Variants in ZMAT4 observed in about 807,000 individuals in gnomAD.
ZMAT4 encodes zinc finger matrin-type protein 4.
Under a neutral mutation model 28.7 loss-of-function variants are expected in ZMAT4, and 17 were observed. That is an observed-to-expected ratio of 0.59 (90% confidence interval 0.41 to 0.89). The LOEUF (loss-of-function observed/expected upper bound fraction) is 0.89. ZMAT4 is among the 40% of genes least tolerant of loss of function. The probability of loss-of-function intolerance (pLI) is 0.00; values close to 1 mark genes in which losing one functional copy is unlikely to be tolerated. For missense variants in ZMAT4, 240 were observed against 283.8 expected (o/e 0.85, Z 1.11); for synonymous variants, 117 against 109.2 (o/e 1.07, Z -0.44).
At chr8:40,599,145 ATC>A (rs1392720264) in intron 5 of ZMAT4, among the ~76,000 whole-genome samples, 1 of 152,082 alleles carries the variant, frequency 6.6e-6, no homozygotes, top group African/African-American at 2.4e-5. Flanking sequence ...TCTCTCCTCC[ATC>A]TCTCTGTTTT....
At chr8:40,789,297 A>G (rs1429156446) in intron 2 of ZMAT4, among the ~76,000 whole-genome samples, 1 of 152,190 alleles carries the variant, frequency 6.6e-6, no homozygotes, top group East Asian at 1.9e-4. Context: ...CTTAATGGTG[A>G]AAGACTGAAT....
chr8:40,744,469 T>G (rs1192626021), intron 3 of ZMAT4, among the ~76,000 whole-genome samples: 1 of 152,180 alleles, frequency 6.6e-6, no homozygotes, highest in Non-Finnish European at 1.5e-5. Flanking sequence ...TAAGGGCATC[T>G]TAAATAAATA....
At chr8:40,739,670 G>A (rs1400897805) in intron 3 of ZMAT4, among the ~76,000 whole-genome samples, 1 of 152,144 alleles carries the variant, frequency 6.6e-6, no homozygotes, top group African/African-American at 2.4e-5. Context: ...GGATACATGT[G>A]CAGAACGTGC....
intron 6 of ZMAT4, among the ~76,000 whole-genome samples, chr8:40,556,433 T>A (rs1210585250): frequency 6.6e-6 from 1 of 152,190 alleles, no homozygotes; most frequent in African/African-American, 2.4e-5. Flanking sequence ...CAATATGAAA[T>A]CTGGGATTGT....
intron 3 of ZMAT4, among the ~76,000 whole-genome samples, chr8:40,735,809 A>G (rs1392304020): frequency 6.6e-6 from 1 of 152,044 alleles, no homozygotes; most frequent in Non-Finnish European, 1.5e-5. Flanking sequence ...CCATCACAAC[A>G]CTCAGAGTCC....
At chr8:40,828,972 AT>A (rs1007275054) in intron 1 of ZMAT4, among the ~76,000 whole-genome samples, 1 of 149,920 alleles carries the variant, frequency 6.7e-6, no homozygotes, top group Non-Finnish European at 1.5e-5. Flanking sequence ...AAAAAAAAAA[AT>A]TTCCAGTTTT....
At chr8:40,825,876 C>A (rs7014057) in intron 1 of ZMAT4, among the ~76,000 whole-genome samples, 196 bp from the exon 2 acceptor site, 3,877 of 152,242 alleles carry the variant, frequency 0.025, 163 homozygotes, top group African/African-American at 0.089. Context: ...TCACAAATGC[C>A]CAACAGAGTT....
rs185235617 is a variant in ZMAT4, at chr8:40,852,206, C to T, written c.-4-26526G>A. Among the ~76,000 whole-genome samples, 12 of 152,274 alleles carry T rather than the reference C, an allele frequency of 7.9e-5. No homozygotes were observed. The East Asian group carries it at 2.1e-3, about 27-fold the overall frequency. ...TGTCCTTTAACAAATCTCTCCCTATCCCCCAGCCCCACTGCCCCTCCCAGC... is the reference window on the plus strand; with the variant it reads ...TGTCCTTTAACAAATCTCTCCCTATTCCCCAGCCCCACTGCCCCTCCCAGC... On this transcript the variant is annotated intron_variant, in intron 1 of 6. Transcript: ENST00000297737.
chr8:40,672,837 T>C (rs772272628), intron 5 of ZMAT4, among the ~76,000 whole-genome samples: 3 of 152,184 alleles, frequency 2.0e-5, no homozygotes, highest in Non-Finnish European at 4.4e-5. Context: ...TAACAAGACA[T>C]AGACTGAAAA....
At chr8:40,577,912 C>T (rs1205348495) in intron 6 of ZMAT4, among the ~76,000 whole-genome samples, 1 of 151,758 alleles carries the variant, frequency 6.6e-6, no homozygotes, top group African/African-American at 2.4e-5. Context: ...CTACAAAGAA[C>T]TCTAGAAAAC....
At chr8:40,802,380 C>A (rs1814887530) in intron 2 of ZMAT4, among the ~76,000 whole-genome samples, 1 of 152,096 alleles carries the variant, frequency 6.6e-6, no homozygotes, top group Non-Finnish European at 1.5e-5. Flanking sequence ...ATAGCAAAGT[C>A]ACAGAATACA....
At chr8:40,825,742 T>C (rs1023804306) in intron 1 of ZMAT4, 62 bp from the exon 2 acceptor site, 1 of 1,349,254 alleles carries the variant, frequency 7.4e-7, no homozygotes, top group African/African-American at 1.5e-5. Context: ...TGCAAGATAT[T>C]AACCGTATGA....
At chr8:40,667,078 C>T (rs1263284924) in intron 5 of ZMAT4, among the ~76,000 whole-genome samples, 1 of 151,894 alleles carries the variant, frequency 6.6e-6, no homozygotes, top group Non-Finnish European at 1.5e-5. Flanking sequence ...TGTAAAGATG[C>T]AGTATTAAAT....
At position 40,869,283 on chromosome 8, in the gene ZMAT4, A is replaced by G. The variant is rs77725681; in HGVS notation, c.-5+28400T>C. 8.0e-4 allele frequency among the ~76,000 whole-genome samples: 118 copies of G among 148,114 alleles called. 2 individuals are homozygous for G. In the East Asian group the frequency reaches 0.023, roughly 29 times the overall value. ...AGTCTGCATAACACCACTGTCTTAT[A>G]GAATATTAGTTGAGATCCCCAGTGA... On this transcript the variant is annotated intron_variant, in intron 1 of 6. Coordinates refer to ENST00000297737, the MANE Select transcript of ZMAT4 (RefSeq NM_024645.3).
rs1358209559 is a variant in ZMAT4 at position 40,798,387 on chromosome 8, T to A, written c.102+27188A>T. 2.6e-5 allele frequency among the ~76,000 whole-genome samples: 4 copies of A among 152,198 alleles called. No individual in the cohort carries two copies. The East Asian group carries it at 5.8e-4, about 22-fold the overall frequency. ...AAGGTCCCAATGCCAGGCTCTTTAA[T>A]GTATGACAACCCACAGCAGGCAGGA... On this transcript the variant is annotated intron_variant, in intron 2 of 6. Transcript: ENST00000297737.
At chr8:40,735,796 G>A (rs565471748) in intron 3 of ZMAT4, among the ~76,000 whole-genome samples, 1 of 152,092 alleles carries the variant, frequency 6.6e-6, no homozygotes, top group Non-Finnish European at 1.5e-5. Flanking sequence ...TTAACCGCAG[G>A]ACCCATCACA....
chr8:40,843,573 C>CAGCA (rs1233865301), intron 1 of ZMAT4, among the ~76,000 whole-genome samples: 17 of 152,354 alleles, frequency 1.1e-4, no homozygotes, highest in African/African-American at 4.1e-4. Context: ...AAAGCAGCAG[C>CAGCA]AGCAAGCCCT....
intron 6 of ZMAT4, among the ~76,000 whole-genome samples, chr8:40,537,074 T>C (rs1262003320): frequency 2.6e-5 from 4 of 152,106 alleles, no homozygotes; most frequent in Non-Finnish European, 5.9e-5. Flanking sequence ...GTAATTTGTA[T>C]TGGAAGCCTA....
At chr8:40,601,616 AAGAAAGAAAGAAAGAAAG>A (rs1805354396) in intron 5 of ZMAT4, among the ~76,000 whole-genome samples, 1 of 27,062 alleles carries the variant, frequency 3.7e-5, no homozygotes, top group African/African-American at 1.0e-4. Context: ...GAAAGAAAGA[AAGAAAGAAAGAAAGAAAG>A]AGAAAGAAAG....
Sources: allele counts gnomAD v4.1 joint callset (sites outside exome capture counted in the v4.1 genomes callset), GRCh38; gene constraint gnomAD v4.1.1; transcripts MANE v1.5; gene names NCBI Gene and HGNC (gene_info 2026-07-23, HGNC 2026-07-21).